The following CDC42SE2 variants were observed in gnomAD, a reference collection of about 807,000 sequenced individuals.
CDC42SE2 encodes the protein CDC42 small effector protein 2.
A neutral mutation model predicts 11.5 loss-of-function variants in CDC42SE2; 3 were observed. That is an observed-to-expected ratio of 0.26 (90% CI 0.12 to 0.67). The LOEUF is 0.67. Among genes scored for constraint, CDC42SE2 ranks in the 30% least tolerant of loss-of-function variants. The pLI is 0.80. For synonymous variants in CDC42SE2, 33 were observed against 34.8 expected (o/e 0.95, Z 0.18); for missense variants, 82 against 106.8 (o/e 0.77, Z 1.02).
intron 2 of CDC42SE2, among the ~76,000 whole-genome samples, chr5:131,340,010 T>C (rs933487552): frequency 1.3e-5 from 2 of 152,174 alleles, no homozygotes; most frequent in South Asian, 2.1e-4. Flanking sequence ...AAAAGAATTT[T>C]GTATTCAAAT....
upstream of CDC42SE2, among the ~76,000 whole-genome samples, chr5:131,241,040 G>A (rs1756537029): frequency 1.3e-5 from 2 of 151,956 alleles, no homozygotes; most frequent in Admixed American, 6.6e-5. Context: ...GTGCAGTGGC[G>A]CGATCTCGGC....
At chr5:131,324,475 A>G (rs187076124) in intron 2 of CDC42SE2, among the ~76,000 whole-genome samples, 1 of 152,326 alleles carries the variant, frequency 6.6e-6, no homozygotes, top group East Asian at 1.9e-4. Context: ...CCTGCATTTC[A>G]AAGACTTACA....
At chr5:131,313,003 G>A (rs1345826549) in intron 1 of CDC42SE2, among the ~76,000 whole-genome samples, 1 of 147,878 alleles carries the variant, frequency 6.8e-6, no homozygotes, top group African/African-American at 2.5e-5. Flanking sequence ...TTTTTTTTTA[G>A]ACGGAGTCTT....
chr5:131,371,545 A>T (rs1281466274), intron 3 of CDC42SE2, among the ~76,000 whole-genome samples: 1 of 152,228 alleles, frequency 6.6e-6, no homozygotes, highest in Non-Finnish European at 1.5e-5. Context: ...TCTTTTGTGA[A>T]ATGAAAATAA....
intron 4 of CDC42SE2, among the ~76,000 whole-genome samples, chr5:131,390,532 G>A (rs1750618928): frequency 6.6e-6 from 1 of 152,038 alleles, no homozygotes; most frequent in Admixed American, 6.5e-5. Flanking sequence ...AAAATTAGCT[G>A]AGTGTGGTGA....
chr5:131,393,326 T>A lies in CDC42SE2; in HGVS notation c.*2235T>A, dbSNP rs1344138131. On this transcript the variant is annotated 3_prime_UTR_variant, in exon 5 of 5. Transcript: ENST00000505065. Reference sequence around the variant, plus strand: ...GTGAAAGCATTTCTCCTCCACTTTTTAAAATTTAATTTACCCAGTACAGCG... The same window carrying A: ...GTGAAAGCATTTCTCCTCCACTTTTAAAAATTTAATTTACCCAGTACAGCG... 6.6e-6 allele frequency: 1 copy of A among 152,374 alleles called. No homozygotes were observed. The highest frequency in any genetic ancestry group is 1.5e-5 in the Non-Finnish European group (1 of 68,042). The allele number at this position is 152,374 out of a possible 1,614,324, so 9.4% of individuals were successfully genotyped here. A position where few individuals can be genotyped will look rare whatever the true frequency, so the allele number is the denominator to read the frequency against.
chr5:131,312,081 A>G (rs1463573467), intron 1 of CDC42SE2, among the ~76,000 whole-genome samples: 1 of 151,880 alleles, frequency 6.6e-6, no homozygotes, highest in Non-Finnish European at 1.5e-5. Flanking sequence ...GGTTTTATCT[A>G]CTTTTGGTCT....
chr5:131,318,229 A>G (rs1287355425), intron 2 of CDC42SE2, among the ~76,000 whole-genome samples: 1 of 152,198 alleles, frequency 6.6e-6, no homozygotes, highest in Non-Finnish European at 1.5e-5. Context: ...GTGAGCCACC[A>G]TGCCCAACCA....
At chr5:131,338,211 G>GTA (rs2149749805) in intron 2 of CDC42SE2, among the ~76,000 whole-genome samples, 1 of 152,326 alleles carries the variant, frequency 6.6e-6, no homozygotes, top group South Asian at 2.1e-4. Flanking sequence ...GTACTGGCCA[G>GTA]TAGGCACCTC....
Position 131,332,813 on chromosome 5 carries a change from T to C in CDC42SE2, c.-286+16669T>C, listed in dbSNP as rs188184158. Reference sequence around the variant, plus strand: ...ATCCTTTGCCCACTTTTTGATGGGGTTGTTTGTTTTTTTCTTGTAAATTTG... The same window carrying C: ...ATCCTTTGCCCACTTTTTGATGGGGCTGTTTGTTTTTTTCTTGTAAATTTG... On this transcript the variant is annotated intron_variant, in intron 2 of 4. Coordinates refer to ENST00000505065, the MANE Select transcript of CDC42SE2 (RefSeq NM_001375635.1). Among the ~76,000 whole-genome samples the C allele has an allele frequency of 3.9e-5, 6 of 152,152 alleles. No homozygotes were observed. The South Asian group carries it at 1.2e-3, about 32-fold the overall frequency.
At chr5:131,354,152 G>A (rs1448321371) in intron 2 of CDC42SE2, among the ~76,000 whole-genome samples, 1 of 151,752 alleles carries the variant, frequency 6.6e-6, no homozygotes, top group Non-Finnish European at 1.5e-5. Context: ...AGGGTAGGAT[G>A]GTTTGAGTCT....
chr5:131,349,082 A>C (rs1266932816), intron 2 of CDC42SE2, among the ~76,000 whole-genome samples: 1 of 152,170 alleles, frequency 6.6e-6, no homozygotes, highest in Non-Finnish European at 1.5e-5. Flanking sequence ...AGGCATGGGC[A>C]AGGACTTCAT....
chr5:131,349,473 A>G (rs1758946668), intron 2 of CDC42SE2, among the ~76,000 whole-genome samples: 1 of 152,214 alleles, frequency 6.6e-6, no homozygotes, highest in South Asian at 2.1e-4. Flanking sequence ...CATGTACACT[A>G]GTACTTAAAG....
intron 3 of CDC42SE2, among the ~76,000 whole-genome samples, chr5:131,384,619 A>G (rs1265455136): frequency 6.6e-6 from 1 of 152,168 alleles, no homozygotes; most frequent in Non-Finnish European, 1.5e-5. Context: ...CAGATCTAAG[A>G]TAATCTTCAT....
upstream of CDC42SE2, among the ~76,000 whole-genome samples, chr5:131,242,273 T>G (rs1314293020): frequency 3.3e-5 from 5 of 152,332 alleles, no homozygotes; most frequent in East Asian, 9.6e-4. Context: ...GATTCTTTTT[T>G]CCTTCTGCTT....
Position 131,392,097 on chromosome 5 carries a change from A to C in CDC42SE2, c.*1006A>C, listed in dbSNP as rs1201739015. The C allele has an allele frequency of 6.6e-6, 1 of 152,482 alleles. No homozygotes were observed. Among genetic ancestry groups the C allele is most frequent in the African/African-American group, 2.4e-5 (1 of 41,380 alleles). The allele number at this position is 152,482 out of a possible 1,614,324, so 9.4% of individuals were successfully genotyped here. ...AATTTTCAATGTTTAATCAGTATGG[A>C]TCTGATCTTCGCATGATCTTTTTTG... On this transcript the variant is annotated 3_prime_UTR_variant, in exon 5 of 5. Transcript: ENST00000505065.
At chr5:131,297,642 C>G (rs558725286) in intron 1 of CDC42SE2, among the ~76,000 whole-genome samples, 137 of 152,154 alleles carry the variant, frequency 9.0e-4, no homozygotes, top group Non-Finnish European at 1.4e-3. Context: ...ATGGCGTGAA[C>G]CCGGGAGGCG....
intron 2 of CDC42SE2, among the ~76,000 whole-genome samples, chr5:131,350,283 G>A (rs1249732321): frequency 6.6e-6 from 1 of 151,374 alleles, no homozygotes. Flanking sequence ...AAATTCCTTG[G>A]CAGTTTCTGT....
chr5:131,345,357 G>A (rs759003808), intron 2 of CDC42SE2, among the ~76,000 whole-genome samples: 3 of 152,100 alleles, frequency 2.0e-5, no homozygotes, highest in Non-Finnish European at 2.9e-5. Flanking sequence ...CGTGACTCAT[G>A]CACAAGCTTC....
Sources: allele counts gnomAD v4.1 joint callset (sites outside exome capture counted in the v4.1 genomes callset), GRCh38; gene constraint gnomAD v4.1.1; transcripts MANE v1.5; gene names NCBI Gene and HGNC (gene_info 2026-07-23, HGNC 2026-07-21).